The following KLF8 variants were observed in gnomAD, a reference collection of about 807,000 sequenced individuals.
KLF8 encodes the protein KLF transcription factor 8, also known as Krueppel-like factor 8.
In KLF8, 10 loss-of-function variants were observed where a neutral mutation model predicts 18.2. That is an observed-to-expected ratio of 0.55 (90% CI 0.34 to 0.93). KLF8 has a LOEUF of 0.93. Among genes scored for constraint, KLF8 ranks in the 40% least tolerant of loss-of-function variants. The pLI is 0.02. For synonymous variants in KLF8, 109 were observed against 97.3 expected (o/e 1.12, Z -0.71); for missense variants, 264 against 277.9 (o/e 0.95, Z 0.36).
rs1403150413 is a variant in KLF8, at chrX:56,290,337, T to A, written c.*5843T>A. ...CCAAGTATTATAACCATTGTTATAA[T>A]GATAGTTATAGTACCTTATATTTAC... is the stretch of plus-strand genomic sequence containing the variant. On this transcript the variant is annotated 3_prime_UTR_variant, in exon 6 of 6. Transcript: ENST00000468660. Among the ~76,000 whole-genome samples, 1 of 111,938 alleles carries A rather than the reference T, an allele frequency of 8.9e-6. No homozygotes were observed. Among genetic ancestry groups the A allele is most frequent in the Admixed American group, 9.5e-5 (1 of 10,536 alleles).
At chrX:56,111,733 G>T in the KLF8 span, among the ~76,000 whole-genome samples, 1 of 112,016 alleles carries the variant, frequency 8.9e-6, no homozygotes, top group African/African-American at 3.2e-5. Flanking sequence ...TGAAAAAAAA[G>T]CTCATCATCA....
At chrX:56,069,688 C>T in the KLF8 span, among the ~76,000 whole-genome samples, 1 of 111,949 alleles carries the variant, frequency 8.9e-6, no homozygotes, top group East Asian at 2.8e-4. Context: ...CACCCACCCC[C>T]ATCTCCTGTA....
chrX:56,265,972 C>T, intron 3 of KLF8: 2 of 924,408 alleles, frequency 2.2e-6, no homozygotes, highest in Non-Finnish European at 2.7e-6. Context: ...CTATCAGTGA[C>T]ATATCAAACA....
chrX:56,142,128 C>T, the KLF8 span, among the ~76,000 whole-genome samples: 11 of 111,079 alleles, frequency 9.9e-5, no homozygotes, highest in Middle Eastern at 4.2e-3. Context: ...AATTATTTTT[C>T]GTGGAACCTA....
chrX:55,990,590 T>G, the KLF8 span, among the ~76,000 whole-genome samples: 1 of 111,958 alleles, frequency 8.9e-6, no homozygotes, highest in Non-Finnish European at 1.9e-5. Context: ...TTTTTAGAGT[T>G]TCCAGTTTTT....
At chrX:56,013,664 C>T in the KLF8 span, among the ~76,000 whole-genome samples, 1 of 110,765 alleles carries the variant, frequency 9.0e-6, no homozygotes, top group African/African-American at 3.3e-5. Context: ...TGAGTTAGTG[C>T]TCATGAGATC....
the KLF8 span, among the ~76,000 whole-genome samples, chrX:56,139,178 T>G: frequency 8.9e-6 from 1 of 111,859 alleles, no homozygotes; most frequent in Non-Finnish European, 1.9e-5. Context: ...TGGAAAAACA[T>G]TCCATGCTCA....
At chrX:56,121,057 G>A in the KLF8 span, among the ~76,000 whole-genome samples, 1 of 109,194 alleles carries the variant, frequency 9.2e-6, no homozygotes, top group Non-Finnish European at 1.9e-5. Context: ...GTGGTGGCGG[G>A]CACCTGTAGT....
At chrX:55,941,088 C>G in the KLF8 span, among the ~76,000 whole-genome samples, 97 of 110,364 alleles carry the variant, frequency 8.8e-4, no homozygotes, top group Non-Finnish European at 1.6e-3. Context: ...GCCAAAAGAA[C>G]AAAGCTGGAG....
chrX:56,042,853 T>A, the KLF8 span, among the ~76,000 whole-genome samples: 1 of 111,792 alleles, frequency 8.9e-6, no homozygotes, highest in Admixed American at 9.5e-5. Context: ...GTAAATTTGA[T>A]CCTGTCATCA....
the KLF8 span, among the ~76,000 whole-genome samples, chrX:55,987,853 C>G: frequency 8.9e-6 from 1 of 111,801 alleles, no homozygotes; most frequent in African/African-American, 3.2e-5. Context: ...CGCATCCTCT[C>G]CAGCACCTGT....
At chrX:56,041,809 C>T in the KLF8 span, among the ~76,000 whole-genome samples, 2 of 111,480 alleles carry the variant, frequency 1.8e-5, no homozygotes, top group Admixed American at 1.9e-4. Flanking sequence ...TCTGCCTCAG[C>T]CTCCCGAATA....
At chrX:55,997,900 G>A in the KLF8 span, among the ~76,000 whole-genome samples, 3 of 110,342 alleles carry the variant, frequency 2.7e-5, no homozygotes, top group South Asian at 1.2e-3. Context: ...CCAGCGTTCA[G>A]CATATGGAGG....
At chrX:56,136,283 GC>G in the KLF8 span, among the ~76,000 whole-genome samples, 18 of 111,263 alleles carry the variant, frequency 1.6e-4, no homozygotes, top group Non-Finnish European at 3.2e-4. Context: ...CCAAAAAAGA[GC>G]CCGCATCGCC....
chrX:56,279,072 T>C (rs753582980), intron 5 of KLF8, among the ~76,000 whole-genome samples: 7 of 112,039 alleles, frequency 6.2e-5, no homozygotes, highest in African/African-American at 2.3e-4. Flanking sequence ...CAAGACTCTT[T>C]CCTATCCTCT....
the KLF8 span, among the ~76,000 whole-genome samples, chrX:56,041,674 T>C: frequency 5.4e-5 from 2 of 36,939 alleles, no homozygotes; most frequent in Non-Finnish European, 3.1e-4. Context: ...AGTTTTGTTG[T>C]TGTTGTTGTT....
chrX:56,079,165 T>C, the KLF8 span, among the ~76,000 whole-genome samples: 2 of 111,390 alleles, frequency 1.8e-5, no homozygotes, highest in African/African-American at 6.5e-5. Flanking sequence ...TGATTTTAGT[T>C]ATTTCTTGCC....
the KLF8 span, among the ~76,000 whole-genome samples, chrX:56,098,975 C>G: frequency 8.9e-6 from 1 of 111,795 alleles, no homozygotes; most frequent in South Asian, 3.8e-4. Flanking sequence ...AAAACAATCC[C>G]ATTTTAAACT....
At chrX:56,038,215 T>A in the KLF8 span, among the ~76,000 whole-genome samples, 1 of 112,180 alleles carries the variant, frequency 8.9e-6, no homozygotes, top group Non-Finnish European at 1.9e-5. Context: ...ATTTTCTTTT[T>A]TTATCATTTT....
Sources: gnomAD v4.1 joint callset for allele counts (sites outside exome capture counted in the v4.1 genomes callset) on GRCh38, gnomAD v4.1.1 for gene constraint, MANE v1.5 for transcripts, NCBI Gene and HGNC (gene_info 2026-07-23, HGNC 2026-07-21) for gene names.